Variants in KMT2C observed in about 807,000 individuals in gnomAD.
KMT2C encodes histone-lysine N-methyltransferase 2C.
Under a neutral mutation model 507.9 loss-of-function variants are expected in KMT2C, and 88 were observed. The observed-to-expected ratio is 0.17, with a 90% CI of 0.15 to 0.21. The LOEUF is 0.21. KMT2C is among the 10% of genes least tolerant of loss of function. The probability of loss-of-function intolerance (pLI) is 1.00; values close to 1 mark genes in which losing one functional copy is unlikely to be tolerated. For synonymous variants in KMT2C, 2,049 were observed against 2,080.8 expected, an observed-to-expected ratio of 0.98 and a Z score of 0.42; for missense variants, 4,954 against 5,957.8, an observed-to-expected ratio of 0.83 and a Z score of 5.55.
rs2129101661 is a variant in KMT2C, at chr7:152,159,061, C to G, written c.11472G>C (p.Gly3824=). ...QNPAEGLQTL[G]AQMQGGFGCG... Reference sequence around the variant, plus strand: ...ATCCAAAACCACCTTGCATTTGAGCCCCCAAAGTTTGCTAATGTAATTGGA... The same window carrying G: ...ATCCAAAACCACCTTGCATTTGAGCGCCCAAAGTTTGCTAATGTAATTGGA... Residue 3824 remains glycine, a synonymous_variant, in exon 44 of 59, where the codon GGG becomes GGC. Transcript: ENST00000262189. 1 of 1,614,062 alleles carries G rather than the reference C, an allele frequency of 6.2e-7. No homozygotes were observed. Among genetic ancestry groups the G allele is most frequent in the Middle Eastern group, 1.6e-4 (1 of 6,062 alleles).
chr7:152,143,750 A>C (rs1200087443), intron 55 of KMT2C, among the ~76,000 whole-genome samples: 1 of 152,212 alleles, frequency 6.6e-6, no homozygotes, highest in Admixed American at 6.5e-5. Flanking sequence ...GAAATGTCCA[A>C]ATATCAATAA....
intron 6 of KMT2C, among the ~76,000 whole-genome samples, chr7:152,306,878 G>C (rs942217980): frequency 3.9e-5 from 6 of 152,350 alleles, no homozygotes; most frequent in Admixed American, 2.6e-4. Context: ...ATGAACAAAA[G>C]CCAGGCGTGG....
Position 152,195,945 on chromosome 7 carries a change from A to G in KMT2C, c.4340T>C (p.Ile1447Thr). ...VLNTDDDILGIISDDLAKSVD... is the reference protein window; with the variant it reads ...VLNTDDDILGTISDDLAKSVD... ...TGATTTTGCTAGATCATCTGAAATT[A>G]TTCCAAGAATGTCATCATCTGTGTT... Residue 1447 changes from isoleucine to threonine, a missense_variant, in exon 28 of 59, where the codon ATA becomes ACA. Coordinates refer to ENST00000262189, the MANE Select transcript of KMT2C (RefSeq NM_170606.3). The G allele has an allele frequency of 6.2e-7, 1 of 1,609,728 alleles. No homozygotes were observed. The highest frequency in any genetic ancestry group is 1.3e-5 in the African/African-American group (1 of 74,906).
intron 1 of KMT2C, among the ~76,000 whole-genome samples, chr7:152,410,891 C>G (rs2024151): frequency 0.23 from 34,514 of 150,128 alleles, 3,712 homozygotes; most frequent in Middle Eastern, 0.32. Context: ...ACGGCCCCAG[C>G]TACTTGGGAG....
chr7:152,393,129 A>G lies in KMT2C; in HGVS notation c.162-34454T>C, dbSNP rs555202530. Among the ~76,000 whole-genome samples the G allele has an allele frequency of 2.0e-5, 3 of 152,250 alleles. No homozygotes were observed. The South Asian group carries it at 6.2e-4, about 32-fold the overall frequency. ...GTGTTTTGTTTTTTTCCACCACCCC[A>G]ATGCTACCTCTATAACTCACACATG... On this transcript the variant is annotated intron_variant, in intron 1 of 58. Transcript: ENST00000262189.
intron 1 of KMT2C, among the ~76,000 whole-genome samples, chr7:152,364,934 G>GACAGACAGACAC (rs1554680382): frequency 5.1e-4 from 71 of 138,164 alleles, no homozygotes; most frequent in African/African-American, 1.5e-3. Flanking sequence ...GAAACAGACA[G>GACAGACAGACAC]ACACACACAC....
Position 152,163,147 on chromosome 7 carries a change from T to A in KMT2C, c.10430A>T (p.Gln3477Leu). ...CTGCTGTAAAACCTGCCCCATTTGC[T>A]GTTGGTGTTGTGGAGACTGCTGAAG... ...GPLQQSPQHQ[Q>L]QMGQVLQQQN... is the part of the protein sequence containing the mutation. The change falls in exon 43 of 59, where the codon CAG (glutamine) becomes CTG (leucine). Residue 3477 changes from glutamine to leucine, a missense_variant. Gln to Leu is a moderately radical substitution (Grantham distance 113, BLOSUM62 -2). This residue lies in a region of KMT2C where 801 missense variants were observed against 751.2 expected (regional missense o/e 1.07). Transcript: ENST00000262189. The A allele has an allele frequency of 6.2e-7, 1 of 1,614,212 alleles. No homozygotes were observed. The highest frequency in any genetic ancestry group is 1.3e-5 in the African/African-American group (1 of 75,054).
intron 1 of KMT2C, among the ~76,000 whole-genome samples, chr7:152,368,847 T>C (rs1164545626): frequency 2.6e-5 from 4 of 152,196 alleles, no homozygotes; most frequent in Admixed American, 6.5e-5. Flanking sequence ...GTCTAGGGTG[T>C]TGTGTACTTA....
intron 6 of KMT2C, among the ~76,000 whole-genome samples, chr7:152,302,137 T>C (rs532715735): frequency 4.6e-5 from 7 of 152,152 alleles, no homozygotes; most frequent in East Asian, 1.9e-4. Flanking sequence ...AATTTCAATA[T>C]AGAATTACAG....
At chr7:152,225,777 G>C (rs1244044581) in intron 18 of KMT2C, among the ~76,000 whole-genome samples, 1 of 152,078 alleles carries the variant, frequency 6.6e-6, no homozygotes, top group Non-Finnish European at 1.5e-5. Flanking sequence ...AAGGAGGGTA[G>C]GACTTCTCCC....
intron 1 of KMT2C, among the ~76,000 whole-genome samples, chr7:152,380,140 G>A (rs1395898911): frequency 6.6e-6 from 1 of 152,284 alleles, no homozygotes; most frequent in African/African-American, 2.4e-5. Context: ...GCTGAGGCAG[G>A]AGAATCACTT....
chr7:152,339,619 G>A (rs988939855), intron 2 of KMT2C, among the ~76,000 whole-genome samples: 1 of 151,888 alleles, frequency 6.6e-6, no homozygotes, highest in Admixed American at 6.6e-5. Context: ...AGAGTCCATG[G>A]ATTACATCAT....
chr7:152,223,681 A>G (rs1402273261), intron 20 of KMT2C, among the ~76,000 whole-genome samples: 1 of 151,964 alleles, frequency 6.6e-6, no homozygotes, highest in East Asian at 1.9e-4. Flanking sequence ...GTAGTCCCAG[A>G]TACTCGGGAG....
At position 152,138,225 on chromosome 7, in the gene KMT2C, C is replaced by CT. The variant is rs2090107056; in HGVS notation, c.14643+570dup. On this transcript the variant is annotated intron_variant, in intron 58 of 58. Transcript: ENST00000262189. This position sits in a 1 kb window ranked among gnomAD's most constrained non-coding sequence, Gnocchi z 4.2. Reference sequence around the variant, plus strand: ...GTGAGCCGCCGGACCAGAGTCACCTCTGAGAGCACGGAGACAAACAGCAAG... The same window carrying CT: ...GTGAGCCGCCGGACCAGAGTCACCTCTTGAGAGCACGGAGACAAACAGCAAG... 6.6e-6 allele frequency: 1 copy of CT among 152,574 alleles called. No homozygotes were observed. Among genetic ancestry groups the CT allele is most frequent in the Admixed American group, 6.5e-5 (1 of 15,314 alleles). The allele number at this position is 152,574 out of a possible 1,614,324, so 9.5% of individuals were successfully genotyped here.
chr7:152,431,675 C>T (rs1351434045), intron 1 of KMT2C, among the ~76,000 whole-genome samples: 2 of 151,934 alleles, frequency 1.3e-5, no homozygotes, highest in East Asian at 3.9e-4. Flanking sequence ...CAACAACCTC[C>T]TAACAGGTAA....
rs745427209 is a variant in KMT2C at position 152,201,617 on chromosome 7, GAAAA to G, written c.4092+1313_4092+1316del. Reference sequence around the variant, plus strand: ...CCCAGGAGAAAACAACAACAAAGATGAAAAAAAAAAAAAAAAAAAAAAAAAAGGT... The same window carrying G: ...CCCAGGAGAAAACAACAACAAAGATGAAAAAAAAAAAAAAAAAAAAAAGGT... On this transcript the variant is annotated intron_variant, in intron 26 of 58. Transcript: ENST00000262189. Among the ~76,000 whole-genome samples, 11 of 22,906 alleles carry G rather than the reference GAAAA, an allele frequency of 4.8e-4. No individual in the cohort carries two copies. In the South Asian group the frequency reaches 0.012, roughly 25 times the overall value. 15.0% of individuals were successfully genotyped at this position (22,906 alleles called of 152,430 possible). A position where few individuals can be genotyped will look rare whatever the true frequency, so the allele number is the denominator to read the frequency against.
chr7:152,250,115 A>G (rs1292491815), intron 12 of KMT2C, among the ~76,000 whole-genome samples, 162 bp from the exon 13 acceptor site: 2 of 152,226 alleles, frequency 1.3e-5, no homozygotes, highest in African/African-American at 4.8e-5. Flanking sequence ...AGACAAAATT[A>G]GAAGTCTTTG....
chr7:152,428,458 C>CAAAAAAAAAAAAAAA (rs140697569), intron 1 of KMT2C, among the ~76,000 whole-genome samples: 1 of 73,516 alleles, frequency 1.4e-5, no homozygotes, highest in African/African-American at 5.2e-5. Flanking sequence ...ACTAAAAATA[C>CAAAAAAAAAAAAAAA]AAAAAAAAAA....
At position 152,376,964 on chromosome 7, in the gene KMT2C, C is replaced by G. The variant is rs143071114; in HGVS notation, c.162-18289G>C. Among the ~76,000 whole-genome samples the G allele has an allele frequency of 9.4e-3, 1,430 of 152,164 alleles. 24 individuals are homozygous for G. Among genetic ancestry groups the G allele is most frequent in the African/African-American group, 0.033 (1,376 of 41,502 alleles). ...CTTTGAGAGGCCAAGGTAGGAGAATCGCTTGAGCCCAGGAGTTCAAGGCCA... is the reference window on the plus strand; with the variant it reads ...CTTTGAGAGGCCAAGGTAGGAGAATGGCTTGAGCCCAGGAGTTCAAGGCCA... On this transcript the variant is annotated intron_variant, in intron 1 of 58. Transcript: ENST00000262189.
Sources: allele counts gnomAD v4.1 joint callset (sites outside exome capture counted in the v4.1 genomes callset), GRCh38; gene constraint gnomAD v4.1.1; regional missense constraint gnomAD v4.1.1; non-coding constraint Gnocchi (gnomAD v3.1); transcripts MANE v1.5; gene names NCBI Gene and HGNC (gene_info 2026-07-23, HGNC 2026-07-21).